Variants in OSBP2 observed in about 807,000 individuals in gnomAD.
The protein encoded by OSBP2 is oxysterol binding protein 2.
OSBP2 carries 66 observed loss-of-function variants against 96.0 expected under a neutral mutation model. The ratio of observed to expected loss-of-function variants is 0.69; its 90% CI spans 0.56 to 0.84. The LOEUF (loss-of-function observed/expected upper bound fraction) is 0.84. Among genes scored for constraint, OSBP2 ranks in the 40% least tolerant of loss-of-function variants. The pLI is 0.00. For missense variants in OSBP2, 1,038 were observed against 1,222.7 expected, an observed-to-expected ratio of 0.85 and a Z score of 2.25; for synonymous variants, 525 against 520.9, an observed-to-expected ratio of 1.01 and a Z score of -0.11.
chr22:30,786,800 G>A (rs772477553), intron 2 of OSBP2, among the ~76,000 whole-genome samples: 49 of 151,766 alleles, frequency 3.2e-4, no homozygotes, highest in Non-Finnish European at 6.6e-4. Flanking sequence ...CAGGAAAGGT[G>A]TTTTGTTTTG....
chr22:30,762,593 C>T (rs956718476), intron 2 of OSBP2, among the ~76,000 whole-genome samples: 23 of 152,216 alleles, frequency 1.5e-4, no homozygotes, highest in East Asian at 1.9e-4. Context: ...GCTCCTCTTG[C>T]GCTCTAGACC....
chr22:30,884,700 G>A (rs1009178982), intron 3 of OSBP2, among the ~76,000 whole-genome samples: 3 of 151,940 alleles, frequency 2.0e-5, no homozygotes, highest in East Asian at 1.9e-4. Context: ...TGGGGTGGGC[G>A]AGTCCCCAGG....
intron 2 of OSBP2, among the ~76,000 whole-genome samples, chr22:30,791,663 CT>C (rs2090678055): frequency 6.6e-6 from 1 of 152,156 alleles, no homozygotes; most frequent in Non-Finnish European, 1.5e-5. Context: ...AGTCCTGTCT[CT>C]TTAATGTATC....
intron 1 of OSBP2, among the ~76,000 whole-genome samples, chr22:30,731,256 G>A (rs145621638): frequency 1.5e-4 from 23 of 152,232 alleles, no homozygotes; most frequent in African/African-American, 5.3e-4. Context: ...GCAATGGCAA[G>A]TGGCAGAGGA....
chr22:30,877,663 C>T (rs1233194654), intron 3 of OSBP2, among the ~76,000 whole-genome samples: 1 of 152,158 alleles, frequency 6.6e-6, no homozygotes, highest in Non-Finnish European at 1.5e-5. Context: ...CCTGAGCCCC[C>T]TAGGTGGGCT....
At chr22:30,747,101 G>A (rs533084203) in intron 2 of OSBP2, among the ~76,000 whole-genome samples, 26 of 152,242 alleles carry the variant, frequency 1.7e-4, no homozygotes, top group African/African-American at 6.0e-4. Context: ...ACAGAAAAAC[G>A]ATCTGACAAA....
At chr22:30,806,264 C>T (rs1035807186) in intron 2 of OSBP2, among the ~76,000 whole-genome samples, 1 of 152,200 alleles carries the variant, frequency 6.6e-6, no homozygotes, top group Non-Finnish European at 1.5e-5. Context: ...GCAGCAGAGC[C>T]GGAGTCACCC....
intron 2 of OSBP2, among the ~76,000 whole-genome samples, chr22:30,867,132 T>G (rs1010660793): frequency 6.6e-6 from 1 of 152,164 alleles, no homozygotes; most frequent in Non-Finnish European, 1.5e-5. Flanking sequence ...CCACCATCAG[T>G]GTGCCTGGGC....
At chr22:30,762,237 A>G (rs1180987046) in intron 2 of OSBP2, among the ~76,000 whole-genome samples, 2 of 150,794 alleles carry the variant, frequency 1.3e-5, no homozygotes, top group Non-Finnish European at 2.9e-5. Flanking sequence ...ATAAAAAATA[A>G]AAAATAAAAT....
chr22:30,740,702 C>T (rs902585269), intron 1 of OSBP2, among the ~76,000 whole-genome samples: 1 of 152,146 alleles, frequency 6.6e-6, no homozygotes, highest in South Asian at 2.1e-4. Flanking sequence ...CGTGTTGGCT[C>T]ATGACCTCAA....
intron 2 of OSBP2, among the ~76,000 whole-genome samples, chr22:30,812,861 T>C (rs1284752324): frequency 6.6e-6 from 1 of 152,242 alleles, no homozygotes; most frequent in African/African-American, 2.4e-5. Context: ...TCACTGAGAC[T>C]GTGTCTACTC....
At chr22:30,748,873 T>C (rs2090039745) in intron 2 of OSBP2, among the ~76,000 whole-genome samples, 1 of 152,200 alleles carries the variant, frequency 6.6e-6, no homozygotes, top group South Asian at 2.1e-4. Flanking sequence ...CCCAGCACTT[T>C]GGGAGGCCAA....
At chr22:30,834,199 A>G (rs576733997) in intron 2 of OSBP2, among the ~76,000 whole-genome samples, 1 of 152,126 alleles carries the variant, frequency 6.6e-6, no homozygotes, top group Non-Finnish European at 1.5e-5. Context: ...TTACTGCCAT[A>G]TAATATTCCA....
At chr22:30,769,521 C>T (rs796385702) in intron 2 of OSBP2, among the ~76,000 whole-genome samples, 77 of 152,084 alleles carry the variant, frequency 5.1e-4, no homozygotes, top group African/African-American at 1.6e-3. Flanking sequence ...TGGTGGCACG[C>T]ACCTGTAGTC....
intron 2 of OSBP2, among the ~76,000 whole-genome samples, chr22:30,793,780 T>G (rs1043556298): frequency 6.6e-6 from 1 of 152,076 alleles, no homozygotes; most frequent in Non-Finnish European, 1.5e-5. Context: ...AGTTTGAGGC[T>G]GCAGTGAGCT....
At chr22:30,766,362 A>C (rs894432952) in intron 2 of OSBP2, among the ~76,000 whole-genome samples, 1 of 152,236 alleles carries the variant, frequency 6.6e-6, no homozygotes, top group African/African-American at 2.4e-5. Flanking sequence ...CAGCAGCTCA[A>C]GGTGCAAATT....
intron 1 of OSBP2, among the ~76,000 whole-genome samples, chr22:30,720,024 G>A (rs2089523596): frequency 6.6e-6 from 1 of 152,178 alleles, no homozygotes; most frequent in Non-Finnish European, 1.5e-5. Context: ...AAACAACTCT[G>A]AATGTTAGAA....
rs191180505 is a variant in OSBP2, at chr22:30,869,392, C to T, written c.854-1037C>T. 2.0e-4 allele frequency among the ~76,000 whole-genome samples: 31 copies of T among 152,350 alleles called. No individual in the cohort carries two copies. The East Asian group carries it at 3.5e-3, about 17-fold the overall frequency. The stretch of plus-strand genomic sequence containing the variant: ...CTGCAAGGCCATTGAGGGGCCACAG[C>T]GTGTCTGCACACAGAAGGCATTCTA... On this transcript the variant is annotated intron_variant, in intron 2 of 13. Coordinates refer to ENST00000332585, the MANE Select transcript of OSBP2 (RefSeq NM_030758.4).
chr22:30,791,824 T>C (rs556013621), intron 2 of OSBP2, among the ~76,000 whole-genome samples: 1 of 152,270 alleles, frequency 6.6e-6, no homozygotes, highest in Non-Finnish European at 1.5e-5. Context: ...CCCAGGCCAG[T>C]GGGGATTTCA....
Sources: gnomAD v4.1 joint callset for allele counts (sites outside exome capture counted in the v4.1 genomes callset) on GRCh38, gnomAD v4.1.1 for gene constraint, MANE v1.5 for transcripts, NCBI Gene and HGNC (gene_info 2026-07-23, HGNC 2026-07-21) for gene names.